The following SLC4A4 variants were observed in gnomAD, a reference collection of about 807,000 sequenced individuals.
SLC4A4 encodes the protein solute carrier family 4 member 4.
A neutral mutation model predicts 111.5 loss-of-function variants in SLC4A4; 27 were observed. The ratio of observed to expected loss-of-function variants is 0.24; its 90% CI spans 0.18 to 0.33. The LOEUF (loss-of-function observed/expected upper bound fraction) is 0.33, where lower values mean the gene tolerates loss of function less well. SLC4A4 is among the 10% of genes least tolerant of loss of function. The pLI, the probability that SLC4A4 is intolerant of heterozygous loss-of-function variation, is 1.00. For synonymous variants in SLC4A4, 443 were observed against 463.4 expected (o/e 0.96, Z 0.57); for missense variants, 909 against 1,315.5 (o/e 0.69, Z 4.78).
At chr4:71,396,007 T>C (rs1228908466) in intron 6 of SLC4A4, among the ~76,000 whole-genome samples, 1 of 152,214 alleles carries the variant, frequency 6.6e-6, no homozygotes, top group Non-Finnish European at 1.5e-5. Flanking sequence ...TCTGTACTCA[T>C]CATTTTCTAT....
At chr4:71,485,487 A>G (rs1318519773) in intron 14 of SLC4A4, among the ~76,000 whole-genome samples, 1 of 151,680 alleles carries the variant, frequency 6.6e-6, no homozygotes, top group Non-Finnish European at 1.5e-5. Flanking sequence ...GATAAAGCCT[A>G]CTTGATCGTG....
intron 8 of SLC4A4, among the ~76,000 whole-genome samples, chr4:71,441,754 C>T (rs1249838391): frequency 6.6e-6 from 1 of 152,154 alleles, no homozygotes; most frequent in Non-Finnish European, 1.5e-5. Context: ...TCATAGATTG[C>T]AGGCTATTCT....
chr4:71,339,348 C>T, intron 3 of SLC4A4, 22 bp from the exon 4 acceptor site: 1 of 1,614,146 alleles, frequency 6.2e-7, no homozygotes, highest in Non-Finnish European at 8.5e-7. Flanking sequence ...AATGTTTAAC[C>T]ACAGTATTTT....
chr4:71,395,446 A>G (rs1264329544), intron 6 of SLC4A4, among the ~76,000 whole-genome samples: 1 of 152,190 alleles, frequency 6.6e-6, no homozygotes, highest in African/African-American at 2.4e-5. Flanking sequence ...TCTCTTCCTC[A>G]TCTGGTTCCT....
At chr4:71,449,349 A>C (rs1211317691) in intron 9 of SLC4A4, among the ~76,000 whole-genome samples, 2 of 152,174 alleles carry the variant, frequency 1.3e-5, no homozygotes, top group Non-Finnish European at 2.9e-5. Flanking sequence ...ATATCTTATT[A>C]GTTGGAATTG....
At chr4:71,118,195 G>A (rs1480147264) in intron 2 of SLC4A4, among the ~76,000 whole-genome samples, 1 of 152,054 alleles carries the variant, frequency 6.6e-6, no homozygotes, top group Non-Finnish European at 1.5e-5. Context: ...ACATTTTCTA[G>A]TTATCTTTTT....
At chr4:71,159,802 C>G (rs796352769) in intron 2 of SLC4A4, among the ~76,000 whole-genome samples, 4 of 152,286 alleles carry the variant, frequency 2.6e-5, no homozygotes, top group African/African-American at 9.6e-5. Context: ...CAGTGATGAT[C>G]AACTAGCCTA....
intron 3 of SLC4A4, among the ~76,000 whole-genome samples, chr4:71,320,079 G>T (rs1329107271): frequency 6.6e-6 from 1 of 152,002 alleles, no homozygotes; most frequent in African/African-American, 2.4e-5. Flanking sequence ...AAGGATTGGA[G>T]GGTCTTTAGT....
chr4:71,291,233 G>C, intron 3 of SLC4A4, among the ~76,000 whole-genome samples: 1 of 152,174 alleles, frequency 6.6e-6, no homozygotes. Flanking sequence ...AATGCTAAAT[G>C]ATGAGTTAAT....
At chr4:71,466,946 AGAGAGAGAGAGAGAGAGAGG>A (rs1341042559) in intron 13 of SLC4A4, among the ~76,000 whole-genome samples, 2 of 125,930 alleles carry the variant, frequency 1.6e-5, no homozygotes, top group East Asian at 4.4e-4. Context: ...AGAGAGAGAG[AGAGAGAGAGAGAGAGAGAGG>A]GAGAGAGAGA....
At chr4:71,134,819 A>G (rs981709065) in intron 2 of SLC4A4, among the ~76,000 whole-genome samples, 1 of 152,192 alleles carries the variant, frequency 6.6e-6, no homozygotes, top group African/African-American at 2.4e-5. Context: ...TACTTCTTCA[A>G]TAGGGAAAGG....
At chr4:71,282,940 G>A (rs1302822362) in intron 3 of SLC4A4, among the ~76,000 whole-genome samples, 1 of 152,136 alleles carries the variant, frequency 6.6e-6, no homozygotes, top group African/African-American at 2.4e-5. Context: ...TCTGTGACTG[G>A]TGACTGGATT....
At chr4:71,440,029 A>G (rs533792708) in intron 7 of SLC4A4, among the ~76,000 whole-genome samples, 64 of 151,834 alleles carry the variant, frequency 4.2e-4, no homozygotes, top group African/African-American at 1.4e-3. Context: ...TGCATTTCCC[A>G]TTCTTTTGGC....
chr4:71,345,984 A>T (rs1729293823), intron 4 of SLC4A4, among the ~76,000 whole-genome samples: 1 of 152,116 alleles, frequency 6.6e-6, no homozygotes, highest in African/African-American at 2.4e-5. Flanking sequence ...CAAGACATTT[A>T]TCATCATTTC....
At chr4:71,293,013 T>A (rs1724495693) in intron 3 of SLC4A4, among the ~76,000 whole-genome samples, 1 of 151,036 alleles carries the variant, frequency 6.6e-6, no homozygotes, top group Non-Finnish European at 1.5e-5. Flanking sequence ...GGCTAATTTT[T>A]TGTATTTTTA....
intron 2 of SLC4A4, among the ~76,000 whole-genome samples, chr4:71,122,697 T>TA (rs1743465703): frequency 6.6e-6 from 1 of 152,148 alleles, no homozygotes; most frequent in Non-Finnish European, 1.5e-5. Context: ...CTGAAGAAAT[T>TA]GAACTGTCTC....
chr4:71,404,008 A>G (rs1395643582), intron 7 of SLC4A4, among the ~76,000 whole-genome samples: 3 of 152,200 alleles, frequency 2.0e-5, no homozygotes, highest in African/African-American at 7.2e-5. Context: ...TCTGTGCCAT[A>G]GAAATATCGT....
intron 15 of SLC4A4, among the ~76,000 whole-genome samples, chr4:71,494,636 A>T (rs1730234434): frequency 6.6e-6 from 1 of 151,924 alleles, no homozygotes; most frequent in Non-Finnish European, 1.5e-5. Context: ...TAAAGTTCTG[A>T]TTTAACCGTT....
At chr4:71,419,545 G>A (rs1042750442) in intron 7 of SLC4A4, among the ~76,000 whole-genome samples, 15 of 152,192 alleles carry the variant, frequency 9.9e-5, no homozygotes, top group African/African-American at 2.4e-4. Context: ...TAAGCCTGTC[G>A]GAAAAGTGCA....
Sources: gnomAD v4.1 joint callset for allele counts (sites outside exome capture counted in the v4.1 genomes callset) on GRCh38, gnomAD v4.1.1 for gene constraint, MANE v1.5 for transcripts, NCBI Gene and HGNC (gene_info 2026-07-23, HGNC 2026-07-21) for gene names.